Variants in NOS1AP observed in about 807,000 individuals in gnomAD.
NOS1AP encodes nitric oxide synthase 1 adaptor protein, also known as carboxyl-terminal PDZ ligand of neuronal nitric oxide synthase protein.
A neutral mutation model predicts 56.2 loss-of-function variants in NOS1AP; 21 were observed. The ratio of observed to expected loss-of-function variants is 0.37; its 90% CI spans 0.26 to 0.54. NOS1AP has a LOEUF of 0.54. Among genes scored for constraint, NOS1AP ranks in the 20% least tolerant of loss-of-function variants. The pLI, the probability that NOS1AP is intolerant of heterozygous loss-of-function variation, is 0.84. For synonymous variants in NOS1AP, 270 were observed against 274.6 expected (o/e 0.98, Z 0.17); for missense variants, 522 against 657.8 (o/e 0.79, Z 2.26).
chr1:162,302,344 A>G (rs1270261137), intron 4 of NOS1AP, among the ~76,000 whole-genome samples: 4 of 152,326 alleles, frequency 2.6e-5, no homozygotes, highest in Admixed American at 6.5e-5. Flanking sequence ...GAAAATTAAC[A>G]TAAGTGTTAT....
chr1:162,179,474 A>G (rs372630879), intron 2 of NOS1AP, among the ~76,000 whole-genome samples: 1 of 152,226 alleles, frequency 6.6e-6, no homozygotes, highest in Admixed American at 6.5e-5. Context: ...TGCTAAAGAC[A>G]GAGGAAGGAA....
rs1571252216 is a variant in NOS1AP, at chr1:162,367,774, A to G, written c.*307A>G. 1 of 358,190 alleles carries G rather than the reference A, an allele frequency of 2.8e-6. No individual in the cohort carries two copies. The highest frequency in any genetic ancestry group is 4.9e-5 in the South Asian group (1 of 20,586). 22.2% of individuals were successfully genotyped at this position (358,190 alleles called of 1,614,324 possible). On this transcript the variant is annotated 3_prime_UTR_variant, in exon 10 of 10. Coordinates refer to ENST00000361897, the MANE Select transcript of NOS1AP (RefSeq NM_014697.3). The surrounding 1 kb of genome is among the most constrained non-coding windows in gnomAD (Gnocchi z 6.5). ...TCCAGGACTGCCAGGCTGCTGGAGG[A>G]CCTGCCCCTACCTGCTGCATCGTCA...
intron 1 of NOS1AP, among the ~76,000 whole-genome samples, chr1:162,115,675 A>G (rs1647916584): frequency 6.6e-6 from 1 of 152,166 alleles, no homozygotes. Context: ...TTTTCCGTAT[A>G]GTTTGAGAAA....
intron 2 of NOS1AP, among the ~76,000 whole-genome samples, chr1:162,193,778 T>C (rs915055723): frequency 3.3e-5 from 5 of 152,204 alleles, no homozygotes; most frequent in African/African-American, 1.2e-4. Context: ...TTCCTGACCC[T>C]TTTTCTAAAG....
At chr1:162,352,125 T>C (rs1657522023) in intron 6 of NOS1AP, among the ~76,000 whole-genome samples, 1 of 152,100 alleles carries the variant, frequency 6.6e-6, no homozygotes, top group Non-Finnish European at 1.5e-5. Flanking sequence ...AGTGGCATGA[T>C]CTCAGCTGAC....
intron 2 of NOS1AP, among the ~76,000 whole-genome samples, chr1:162,247,672 A>G (rs1365560246): frequency 6.6e-6 from 1 of 151,628 alleles, no homozygotes; most frequent in Non-Finnish European, 1.5e-5. Context: ...AAACTTACCT[A>G]TGAAAATAAT....
At chr1:162,190,032 T>G (rs1651566439) in intron 2 of NOS1AP, among the ~76,000 whole-genome samples, 1 of 152,298 alleles carries the variant, frequency 6.6e-6, no homozygotes, top group Non-Finnish European at 1.5e-5. Flanking sequence ...GTGGAGACCT[T>G]CTAGGGCATG....
intron 1 of NOS1AP, among the ~76,000 whole-genome samples, chr1:162,136,722 G>A (rs1649019933): frequency 6.6e-6 from 1 of 152,146 alleles, no homozygotes; most frequent in Non-Finnish European, 1.5e-5. Context: ...GAGACAAGTT[G>A]GTGGAAGAAC....
intron 2 of NOS1AP, among the ~76,000 whole-genome samples, chr1:162,266,774 T>C (rs949309129): frequency 5.9e-5 from 9 of 152,208 alleles, no homozygotes; most frequent in African/African-American, 1.9e-4. Flanking sequence ...CTATCAAGTA[T>C]TTAAAATATT....
chr1:162,248,088 G>T (rs539988805), intron 2 of NOS1AP, among the ~76,000 whole-genome samples: 3 of 152,090 alleles, frequency 2.0e-5, no homozygotes, highest in African/African-American at 7.2e-5. Flanking sequence ...TTCAAAACCA[G>T]CCTGGACAAC....
At chr1:162,080,162 T>G (rs569118375) in intron 1 of NOS1AP, among the ~76,000 whole-genome samples, 2 of 152,346 alleles carry the variant, frequency 1.3e-5, no homozygotes, top group South Asian at 4.1e-4. Context: ...TACATTTCCC[T>G]TTACAATTTT....
At chr1:162,291,281 A>T (rs902243490) in intron 3 of NOS1AP, among the ~76,000 whole-genome samples, 2 of 152,240 alleles carry the variant, frequency 1.3e-5, no homozygotes, top group Non-Finnish European at 2.9e-5. Context: ...TTGTAAGCCC[A>T]GCACTTGCCT....
intron 7 of NOS1AP, among the ~76,000 whole-genome samples, chr1:162,356,287 T>TA (rs1657703461): frequency 6.6e-6 from 1 of 152,160 alleles, no homozygotes; most frequent in African/African-American, 2.4e-5. Context: ...GCCATCTTGG[T>TA]AAAAATGTCC....
At chr1:162,132,718 C>A (rs1648804950) in intron 1 of NOS1AP, among the ~76,000 whole-genome samples, 1 of 152,208 alleles carries the variant, frequency 6.6e-6, no homozygotes, top group African/African-American at 2.4e-5. Flanking sequence ...GAATCTATAG[C>A]ATAGCTTCCC....
chr1:162,309,824 C>G (rs534796205), intron 4 of NOS1AP, among the ~76,000 whole-genome samples: 55 of 152,122 alleles, frequency 3.6e-4, no homozygotes, highest in African/African-American at 1.3e-3. Context: ...TGAAAAGGTC[C>G]TATGGGGATA....
Position 162,270,971 on chromosome 1 carries a change from A to G in NOS1AP, c.178-16373A>G, listed in dbSNP as rs905371701. Among the ~76,000 whole-genome samples the G allele has an allele frequency of 6.6e-5, 10 of 152,220 alleles. 1 individual carries two copies. The South Asian group carries it at 2.1e-3, about 32-fold the overall frequency. On this transcript the variant is annotated intron_variant, in intron 2 of 9. Coordinates refer to ENST00000361897, the MANE Select transcript of NOS1AP (RefSeq NM_014697.3). ...AAACTGTATGTATGTAACTGTATGT[A>G]CGTTTCAAGAGCAGCTTGGTGGGAG...
rs1437317183 is a variant in NOS1AP, at chr1:162,188,340, CT to C, written c.177+33865del. 6.6e-6 allele frequency among the ~76,000 whole-genome samples: 1 copy of C among 152,148 alleles called. No homozygotes were observed. The highest frequency in any genetic ancestry group is 1.5e-5 in the Non-Finnish European group (1 of 68,028). ...ACTTCTGCTTAATGAGATAATTCTTCTCTATATTTCTGTTGCTGGAATTGGG... is the reference window on the plus strand; with the variant it reads ...ACTTCTGCTTAATGAGATAATTCTTCCTATATTTCTGTTGCTGGAATTGGG... On this transcript the variant is annotated intron_variant, in intron 2 of 9. Coordinates refer to ENST00000361897, the MANE Select transcript of NOS1AP (RefSeq NM_014697.3). The surrounding 1 kb of genome is among the most constrained non-coding windows in gnomAD (Gnocchi z 4.0).
At chr1:162,171,880 A>T (rs1359557006) in intron 2 of NOS1AP, among the ~76,000 whole-genome samples, 4 of 152,160 alleles carry the variant, frequency 2.6e-5, no homozygotes. Context: ...CAATAAAGGA[A>T]AGCTGAGGAC....
chr1:162,106,630 T>C (rs939255996), intron 1 of NOS1AP, among the ~76,000 whole-genome samples: 3 of 152,368 alleles, frequency 2.0e-5, no homozygotes, highest in South Asian at 2.1e-4. Context: ...AAATGGCTTA[T>C]AATACTATGA....
Sources: gnomAD v4.1 joint callset for allele counts (sites outside exome capture counted in the v4.1 genomes callset) on GRCh38, gnomAD v4.1.1 for gene constraint, Gnocchi (gnomAD v3.1) non-coding constraint, MANE v1.5 for transcripts, NCBI Gene and HGNC (gene_info 2026-07-23, HGNC 2026-07-21) for gene names.